MKNK1: variants seen among roughly 807,000 people sequenced by gnomAD.
The protein encoded by MKNK1 is MAPK interacting serine/threonine kinase 1.
Under a neutral mutation model 49.3 loss-of-function variants are expected in MKNK1, and 30 were observed. That is an observed-to-expected ratio of 0.61 (90% CI 0.46 to 0.83). MKNK1 has a LOEUF of 0.83. MKNK1 is among the 40% of genes least tolerant of loss of function. MKNK1 has a pLI of 0.00. For synonymous variants in MKNK1, 176 were observed against 201.7 expected, an observed-to-expected ratio of 0.87 and a Z score of 1.08; for missense variants, 423 against 524.7, an observed-to-expected ratio of 0.81 and a Z score of 1.89.
At chr1:46,581,581 G>A (rs1307151238) in intron 3 of MKNK1, among the ~76,000 whole-genome samples, 1 of 148,530 alleles carries the variant, frequency 6.7e-6, no homozygotes, top group South Asian at 2.1e-4. Flanking sequence ...GAAGTGGTAT[G>A]ATTTGAATGA....
At chr1:46,571,991 G>T in intron 7 of MKNK1, 72 bp downstream of exon 7, 1 of 1,394,044 alleles carries the variant, frequency 7.2e-7, no homozygotes, top group Non-Finnish European at 1.0e-6. Flanking sequence ...CCCTCTGCCT[G>T]GCCTACCACC....
At chr1:46,572,565 G>A (rs1032507951) in intron 6 of MKNK1, among the ~76,000 whole-genome samples, 1 of 152,042 alleles carries the variant, frequency 6.6e-6, no homozygotes, top group Non-Finnish European at 1.5e-5. Context: ...AAAACTTGGG[G>A]TGGGGACATA....
chr1:46,582,352 A>T (rs1671870315), intron 3 of MKNK1, among the ~76,000 whole-genome samples: 1 of 152,222 alleles, frequency 6.6e-6, no homozygotes, highest in South Asian at 2.1e-4. Flanking sequence ...TTTAAATGAC[A>T]TGCTTCTCAC....
intron 6 of MKNK1, among the ~76,000 whole-genome samples, chr1:46,573,448 T>C (rs1162649562): frequency 6.6e-6 from 1 of 152,202 alleles, no homozygotes; most frequent in Non-Finnish European, 1.5e-5. Context: ...TGGCTTCATG[T>C]GGTTTATGTT....
chr1:46,598,737 C>G (rs1674377203), intron 1 of MKNK1, among the ~76,000 whole-genome samples: 1 of 152,188 alleles, frequency 6.6e-6, no homozygotes, highest in South Asian at 2.1e-4. Context: ...TAGCAAGTGA[C>G]AGAGCCAGGA....
chr1:46,583,063 T>C, intron 3 of MKNK1, 165 bp downstream of exon 3: 1 of 703,418 alleles, frequency 1.4e-6, no homozygotes, highest in Non-Finnish European at 2.6e-6. Context: ...CTTTCTGTAA[T>C]GCCCTGTGTA....
chr1:46,599,546 A>C (rs1202417847), intron 1 of MKNK1, among the ~76,000 whole-genome samples: 3 of 152,212 alleles, frequency 2.0e-5, no homozygotes, highest in Non-Finnish European at 2.9e-5. Context: ...CTTCCAAACT[A>C]GGCCAGTGAT....
chr1:46,588,090 G>C lies in MKNK1; in HGVS notation c.-2-4761C>G, dbSNP rs143094544. On this transcript the variant is annotated intron_variant, in intron 2 of 12. Coordinates refer to ENST00000371945, the MANE Select transcript of MKNK1 (RefSeq NM_001135553.4). The stretch of plus-strand genomic sequence containing the variant: ...GAAAGAAGCTCAGAGCAGGCAGCCA[G>C]TAGATTAAATAACCTACCCAATGCC... Among the ~76,000 whole-genome samples, 309 of 152,354 alleles carry C rather than the reference G, an allele frequency of 2.0e-3. 3 individuals are homozygous for C. Among genetic ancestry groups the C allele is most frequent in the Non-Finnish European group, 2.9e-3 (195 of 68,046 alleles).
chr1:46,593,874 AAG>A, intron 2 of MKNK1: 2 of 303,548 alleles, frequency 6.6e-6, no homozygotes, highest in Non-Finnish European at 1.2e-5. Context: ...AAAAAAAAAA[AAG>A]TAAATAAATA....
At chr1:46,581,913 A>G (rs974597465) in intron 3 of MKNK1, among the ~76,000 whole-genome samples, 1 of 152,120 alleles carries the variant, frequency 6.6e-6, no homozygotes, top group Non-Finnish European at 1.5e-5. Context: ...TCTCCATCAC[A>G]GCACTAGCTG....
rs72679869 is a variant in MKNK1 at position 46,567,443 on chromosome 1, A to G, written c.513+1000T>C. ...GATATTTCATAAACACTAAATAAAT[A>G]TAAGTGCCTGGCACAATGTAAGCAC... is the stretch of plus-strand genomic sequence containing the variant. On this transcript the variant is annotated intron_variant, in intron 8 of 12. Coordinates refer to ENST00000371945, the MANE Select transcript of MKNK1 (RefSeq NM_001135553.4). Among the ~76,000 whole-genome samples the G allele has an allele frequency of 6.2e-3, 948 of 152,388 alleles. 7 individuals are homozygous for G. Among genetic ancestry groups the G allele is most frequent in the Non-Finnish European group, 0.011 (732 of 68,038 alleles).
At chr1:46,570,783 C>A (rs917277001) in intron 7 of MKNK1, among the ~76,000 whole-genome samples, 29 of 152,206 alleles carry the variant, frequency 1.9e-4, no homozygotes, top group Non-Finnish European at 3.8e-4. Context: ...TGGAGGAAAT[C>A]GTTATTTATT....
chr1:46,565,382 T>C, intron 8 of MKNK1: 1 of 519,990 alleles, frequency 1.9e-6, no homozygotes, highest in South Asian at 2.1e-5. Flanking sequence ...GTCAGATTAT[T>C]GTGAACTCAG....
intron 10 of MKNK1, among the ~76,000 whole-genome samples, chr1:46,561,853 G>T (rs1668040744): frequency 1.3e-5 from 2 of 152,194 alleles, no homozygotes; most frequent in Admixed American, 1.3e-4. Context: ...GGCCAGGATG[G>T]CTATGCCCTT....
At chr1:46,559,949 G>T in intron 12 of MKNK1, 1 of 539,292 alleles carries the variant, frequency 1.9e-6, no homozygotes, top group Non-Finnish European at 3.3e-6. Flanking sequence ...GTCTGTCTTT[G>T]GGCTGTAAGT....
intron 7 of MKNK1, chr1:46,568,703 G>A (rs1276306643): frequency 3.5e-6 from 2 of 579,212 alleles, no homozygotes; most frequent in African/African-American, 1.9e-5. Flanking sequence ...TTTTGAAGAG[G>A]AGGCTTTAGA....
intron 12 of MKNK1, among the ~76,000 whole-genome samples, 166 bp from the exon 13 acceptor site, chr1:46,558,966 C>A (rs1410661984): frequency 6.6e-6 from 1 of 152,192 alleles, no homozygotes; most frequent in Non-Finnish European, 1.5e-5. Flanking sequence ...GGTTTGGAAT[C>A]TTTCTTGACT....
At chr1:46,599,785 G>T (rs1228082297) in intron 1 of MKNK1, among the ~76,000 whole-genome samples, 1 of 152,130 alleles carries the variant, frequency 6.6e-6, no homozygotes, top group Non-Finnish European at 1.5e-5. Context: ...TCTGAGGTCT[G>T]GTTTCCTCAT....
At chr1:46,583,386 T>C in intron 2 of MKNK1, 57 bp from the exon 3 acceptor site, 1 of 1,384,276 alleles carries the variant, frequency 7.2e-7, no homozygotes, top group Non-Finnish European at 1.0e-6. Flanking sequence ...AGCTGTAAAT[T>C]TACCCAGAAG....
Sources: allele counts gnomAD v4.1 joint callset (sites outside exome capture counted in the v4.1 genomes callset), GRCh38; gene constraint gnomAD v4.1.1; transcripts MANE v1.5; gene names NCBI Gene and HGNC (gene_info 2026-07-23, HGNC 2026-07-21).